RUNX1: variants seen among roughly 807,000 people sequenced by gnomAD.
The protein encoded by RUNX1 is runt-related transcription factor 1.
A neutral mutation model predicts 42.8 loss-of-function variants in RUNX1; 19 were observed. That is an observed-to-expected ratio of 0.44 (90% CI 0.31 to 0.65). The LOEUF is 0.65. RUNX1 is among the 30% of genes least tolerant of loss of function. The pLI is 0.07. For missense variants in RUNX1, 528 were observed against 672.0 expected (o/e 0.79, Z 2.37); for synonymous variants, 271 against 289.4 (o/e 0.94, Z 0.64).
Position 34,859,406 on chromosome 21 carries a change from C to T in RUNX1, c.613+68G>A, listed in dbSNP as rs773081948. 8 of 1,188,596 alleles carry T rather than the reference C, an allele frequency of 6.7e-6. No individual in the cohort carries two copies. In the Admixed American group the frequency reaches 1.3e-4, roughly 20 times the overall value. 73.6% of individuals were successfully genotyped at this position (1,188,596 alleles called of 1,614,324 possible). ...AACCCAAGGAATCTGAGACATGGTCCCTGAGTATACCAGCCTGGAGGGTGT... is the reference window on the plus strand; with the variant it reads ...AACCCAAGGAATCTGAGACATGGTCTCTGAGTATACCAGCCTGGAGGGTGT... On this transcript the variant is annotated intron_variant, in intron 6 of 8. Transcript: ENST00000675419.
intron 2 of RUNX1, among the ~76,000 whole-genome samples, chr21:34,969,748 C>G (rs906993866): frequency 1.3e-5 from 2 of 149,180 alleles, no homozygotes; most frequent in Non-Finnish European, 2.9e-5. Flanking sequence ...GGATTTACAG[C>G]GCTTTATCAG....
chr21:35,009,226 G>A lies in RUNX1; in HGVS notation c.58+39616C>T, dbSNP rs141227168. Among the ~76,000 whole-genome samples the A allele has an allele frequency of 7.9e-5, 12 of 152,280 alleles. No individual in the cohort carries two copies. The South Asian group carries it at 1.2e-3, about 16-fold the overall frequency. On this transcript the variant is annotated intron_variant, in intron 2 of 8. Coordinates refer to ENST00000675419, the MANE Select transcript of RUNX1 (RefSeq NM_001754.5). The stretch of plus-strand genomic sequence containing the variant: ...TAAAACAACTGTTAGCATTTGATGC[G>A]AGGATAAAACTCTCTGCTAGATCAC...
chr21:34,822,824 GTTA>G (rs930993343), intron 7 of RUNX1, among the ~76,000 whole-genome samples: 1 of 152,188 alleles, frequency 6.6e-6, no homozygotes, highest in Non-Finnish European at 1.5e-5. Context: ...CCACAACAGT[GTTA>G]TAATCCCGCG....
intron 2 of RUNX1, among the ~76,000 whole-genome samples, chr21:34,946,284 T>C (rs1252108018): frequency 6.6e-6 from 1 of 152,172 alleles, no homozygotes; most frequent in Non-Finnish European, 1.5e-5. Context: ...CCCTCCAAAT[T>C]AATGTTTTTA....
At chr21:34,975,697 G>T (rs543658518) in intron 2 of RUNX1, among the ~76,000 whole-genome samples, 1 of 152,052 alleles carries the variant, frequency 6.6e-6, no homozygotes, top group Admixed American at 6.5e-5. Context: ...GGGAGAGAAG[G>T]CTTCTAGCTA....
Position 34,798,557 on chromosome 21 carries a change from A to T in RUNX1, c.967+744T>A, listed in dbSNP as rs377148305. Reference sequence around the variant, plus strand: ...ATTTGGGGTATACAGTCGGTTCTCTATATCCGTGGGTTCTGCACCTGTTTA... The same window carrying T: ...ATTTGGGGTATACAGTCGGTTCTCTTTATCCGTGGGTTCTGCACCTGTTTA... On this transcript the variant is annotated intron_variant, in intron 8 of 8. Transcript: ENST00000675419. Among the ~76,000 whole-genome samples the T allele has an allele frequency of 3.3e-5, 5 of 152,234 alleles. No individual in the cohort carries two copies. In the South Asian group the frequency reaches 8.3e-4, roughly 25 times the overall value.
chr21:34,841,767 T>C (rs2057239420), intron 6 of RUNX1, among the ~76,000 whole-genome samples: 1 of 152,318 alleles, frequency 6.6e-6, no homozygotes, highest in African/African-American at 2.4e-5. Context: ...TGAAATGTCA[T>C]CTTCTCCCTG....
At chr21:34,861,872 T>C (rs2057581537) in intron 5 of RUNX1, among the ~76,000 whole-genome samples, 1 of 152,086 alleles carries the variant, frequency 6.6e-6, no homozygotes, top group South Asian at 2.1e-4. Flanking sequence ...TCACCTTTGA[T>C]TATTTAGGGT....
chr21:34,792,615 A>G lies in RUNX1; in HGVS notation c.968-5T>C. ...ACGCTGTCAGGTCGGGTGCCGCTGC[A>G]GGGCGGGCAAGAGAACGGAGCGGAA... On this transcript the variant is annotated splice_region_variant and splice_polypyrimidine_tract_variant and intron_variant, in intron 8 of 8. Coordinates refer to ENST00000675419, the MANE Select transcript of RUNX1 (RefSeq NM_001754.5). The surrounding 1 kb of genome is among the most constrained non-coding windows in gnomAD (Gnocchi z 6.9). 1 of 1,579,230 alleles carries G rather than the reference A, an allele frequency of 6.3e-7. No individual in the cohort carries two copies. Among genetic ancestry groups the G allele is most frequent in the Non-Finnish European group, 8.6e-7 (1 of 1,162,884 alleles).
intron 2 of RUNX1, among the ~76,000 whole-genome samples, chr21:34,990,347 C>T (rs1338115395): frequency 6.6e-6 from 1 of 152,202 alleles, no homozygotes; most frequent in African/African-American, 2.4e-5. Flanking sequence ...GCAGTTTCTT[C>T]TGGAAGCTTC....
intron 2 of RUNX1, among the ~76,000 whole-genome samples, chr21:35,043,408 C>T (rs1019599859): frequency 6.6e-6 from 1 of 152,130 alleles, no homozygotes. Flanking sequence ...GTTCAGGCAC[C>T]AGTGTAGCTT....
At chr21:34,796,495 G>A (rs2145895596) in intron 8 of RUNX1, among the ~76,000 whole-genome samples, 1 of 152,302 alleles carries the variant, frequency 6.6e-6, no homozygotes, top group Non-Finnish European at 1.5e-5. Context: ...AAGTGTGGGG[G>A]GAGTTGGGAT....
At chr21:34,798,667 C>T (rs1023790736) in intron 8 of RUNX1, among the ~76,000 whole-genome samples, 1 of 151,938 alleles carries the variant, frequency 6.6e-6, no homozygotes, top group African/African-American at 2.4e-5. Flanking sequence ...CTTGTCATTC[C>T]CTAAACAATG....
Position 34,799,266 on chromosome 21 carries a change from C to T in RUNX1, c.967+35G>A, listed in dbSNP as rs779300361. 4 of 1,613,212 alleles carry T rather than the reference C, an allele frequency of 2.5e-6. No individual in the cohort carries two copies. The South Asian group carries it at 4.4e-5, about 18-fold the overall frequency. ...TAGTCTCCTGGACCTTCCACCCCAG[C>T]TCAGCTGCAAAGAATGTGTTTTCAA... On this transcript the variant is annotated intron_variant, in intron 8 of 8. Coordinates refer to ENST00000675419, the MANE Select transcript of RUNX1 (RefSeq NM_001754.5).
intron 2 of RUNX1, among the ~76,000 whole-genome samples, chr21:35,043,482 G>A (rs2059374769): frequency 1.3e-5 from 2 of 152,262 alleles, no homozygotes; most frequent in South Asian, 4.1e-4. Context: ...AAAATATCTT[G>A]CATTTGTGAA....
chr21:34,890,611 G>A (rs982406587), intron 3 of RUNX1, among the ~76,000 whole-genome samples: 1 of 152,226 alleles, frequency 6.6e-6, no homozygotes, highest in African/African-American at 2.4e-5. Context: ...CTCCCCCTGG[G>A]CACTGCCAGC....
At position 34,960,249 on chromosome 21, in the gene RUNX1, C is replaced by T. The variant is rs528749139; in HGVS notation, c.59-67286G>A. 3.3e-5 allele frequency among the ~76,000 whole-genome samples: 5 copies of T among 152,288 alleles called. No homozygotes were observed. In the South Asian group the frequency reaches 1.0e-3, roughly 32 times the overall value. ...CATGACTACAGAAATGTCCTGGGCT[C>T]CCTGCTGCCCCGGCTCCCGATAGGT... On this transcript the variant is annotated intron_variant, in intron 2 of 8. Transcript: ENST00000675419.
intron 2 of RUNX1, among the ~76,000 whole-genome samples, chr21:34,953,621 G>T (rs935525730): frequency 2.2e-4 from 34 of 152,146 alleles, no homozygotes; most frequent in Non-Finnish European, 3.2e-4. Flanking sequence ...CCATAAGAAA[G>T]AAATAAACTT....
At chr21:34,846,303 C>T (rs2057315897) in intron 6 of RUNX1, among the ~76,000 whole-genome samples, 1 of 146,534 alleles carries the variant, frequency 6.8e-6, no homozygotes, top group South Asian at 2.2e-4. Context: ...TCATTCATCT[C>T]TTTCCCCGGC....
Sources: gnomAD v4.1 joint callset for allele counts (sites outside exome capture counted in the v4.1 genomes callset) on GRCh38, gnomAD v4.1.1 for gene constraint, Gnocchi (gnomAD v3.1) non-coding constraint, MANE v1.5 for transcripts, NCBI Gene and HGNC (gene_info 2026-07-23, HGNC 2026-07-21) for gene names.